Variants in JMJD1C observed in about 807,000 individuals in gnomAD.
JMJD1C encodes jumonji domain-containing protein 1C.
JMJD1C carries 31 observed loss-of-function variants against 245.3 expected under a neutral mutation model. The observed-to-expected ratio is 0.13, with a 90% CI of 0.09 to 0.17. JMJD1C has a LOEUF of 0.17. Ranked by LOEUF, JMJD1C falls within the 10% of genes least tolerant of loss-of-function variation. JMJD1C has a pLI of 1.00. For missense variants in JMJD1C, 2,691 were observed against 3,000.2 expected (o/e 0.90, Z 2.41); for synonymous variants, 1,057 against 1,017.4 (o/e 1.04, Z -0.74).
intron 1 of JMJD1C, among the ~76,000 whole-genome samples, chr10:63,394,076 A>C (rs552835058): frequency 1.3e-5 from 2 of 151,956 alleles, no homozygotes; most frequent in Non-Finnish European, 2.9e-5. Flanking sequence ...AGTCCCAGCT[A>C]CTCAGGAGGC....
chr10:63,223,313 C>A (rs1327248275), intron 3 of JMJD1C, among the ~76,000 whole-genome samples: 2 of 149,996 alleles, frequency 1.3e-5, no homozygotes, highest in African/African-American at 2.5e-5. Context: ...CTGGAATCTT[C>A]GCCTCCCAAG....
At position 63,203,814 on chromosome 10, in the gene JMJD1C, G is replaced by A. The variant is rs866139143; in HGVS notation, c.5074+2781C>T. ...AAATATATAATTATACATGTATAAC[G>A]GTGTATGTAATCATATTACATAGTT... On this transcript the variant is annotated intron_variant, in intron 10 of 25. Transcript: ENST00000399262. 9.8e-5 allele frequency: 94 copies of A among 962,282 alleles called. No individual in the cohort carries two copies. In the Middle Eastern group the frequency reaches 1.6e-3, roughly 17 times the overall value. The allele number at this position is 962,282 out of a possible 1,614,324, so 59.6% of individuals were successfully genotyped here.
chr10:63,466,338 G>A (rs1953281421), upstream of JMJD1C: 1 of 153,112 alleles, frequency 6.5e-6, no homozygotes, highest in South Asian at 2.0e-4. Context: ...CCCGCGGTTT[G>A]ATGTTCAGAG....
Position 63,177,725 on chromosome 10 carries a change from G to A in JMJD1C, c.7216C>T (p.Leu2406Phe). Residue 2406 changes from leucine (L) to phenylalanine (F), a missense_variant, in exon 23 of 26, where the codon CTT becomes TTT. Coordinates refer to ENST00000399262, the MANE Select transcript of JMJD1C (RefSeq NM_032776.3). ...TGCAAACTAACTTATACCTTTTGAA[G>A]AAATTCCCTTATCTTGTCAACATCT... The part of the protein sequence containing the change: ...GKDVDKIREF[L>F]QKISKEQGLE... The A allele has an allele frequency of 6.2e-7, 1 of 1,613,980 alleles. No homozygotes were observed. The highest frequency in any genetic ancestry group is 8.5e-7 in the Non-Finnish European group (1 of 1,179,966).
At chr10:63,434,186 A>G (rs1247497057) in intron 1 of JMJD1C, among the ~76,000 whole-genome samples, 2 of 152,216 alleles carry the variant, frequency 1.3e-5, no homozygotes, top group Non-Finnish European at 2.9e-5. Flanking sequence ...TAATAACAAA[A>G]AGCTAAAATT....
intron 2 of JMJD1C, among the ~76,000 whole-genome samples, chr10:63,301,248 C>T (rs1414516856): frequency 6.6e-6 from 1 of 152,198 alleles, no homozygotes; most frequent in African/African-American, 2.4e-5. Flanking sequence ...CTCCTGGCCC[C>T]AAGCAATCCT....
chr10:63,496,815 C>T (rs1488922360), intron 1 of JMJD1C, among the ~76,000 whole-genome samples: 2 of 152,150 alleles, frequency 1.3e-5, no homozygotes, highest in African/African-American at 4.8e-5. Flanking sequence ...TGACCAGAAA[C>T]GTGACATATG....
intron 1 of JMJD1C, among the ~76,000 whole-genome samples, chr10:63,393,774 C>T (rs2134629678): frequency 6.6e-6 from 1 of 152,184 alleles, no homozygotes; most frequent in South Asian, 2.1e-4. Flanking sequence ...ATTTTGTGTA[C>T]CTTCTAAAAT....
chr10:63,185,549 G>A lies in JMJD1C; in HGVS notation c.6830+14C>T. On this transcript the variant is annotated intron_variant, in intron 20 of 25. Coordinates refer to ENST00000399262, the MANE Select transcript of JMJD1C (RefSeq NM_032776.3). ...ATCTCAAAAAGTCAAGAGTCAAAAT[G>A]AAAAGTTTCAAACCTTGCTGGCATC... The A allele has an allele frequency of 6.7e-7, 1 of 1,492,618 alleles. No individual in the cohort carries two copies. Among genetic ancestry groups the A allele is most frequent in the Admixed American group, 1.7e-5 (1 of 59,758 alleles). The allele number at this position is 1,492,618 out of a possible 1,614,324, so 92.5% of individuals were successfully genotyped here.
chr10:63,222,614 C>A, intron 3 of JMJD1C: 1 of 1,594,544 alleles, frequency 6.3e-7, no homozygotes, highest in Non-Finnish European at 8.6e-7. Flanking sequence ...TCGAAACTCA[C>A]ATGCTGAATT....
intron 3 of JMJD1C, among the ~76,000 whole-genome samples, chr10:63,231,441 C>T (rs1301603512): frequency 6.6e-6 from 1 of 152,092 alleles, no homozygotes; most frequent in Non-Finnish European, 1.5e-5. Context: ...ATGAGCAAGC[C>T]CGAGATCTGT....
intron 1 of JMJD1C, among the ~76,000 whole-genome samples, chr10:63,392,643 G>A (rs59108795): frequency 0.024 from 3,642 of 151,616 alleles, 107 homozygotes; most frequent in African/African-American, 0.066. Flanking sequence ...TGGCCAACAC[G>A]GTGAAACCCC....
chr10:63,484,793 A>G (rs1464914349), intron 1 of JMJD1C, among the ~76,000 whole-genome samples: 3 of 152,160 alleles, frequency 2.0e-5, no homozygotes, highest in African/African-American at 7.2e-5. Flanking sequence ...TGAGATATTA[A>G]TGACATATTT....
At chr10:63,301,789 C>A in intron 2 of JMJD1C, 1 of 424,198 alleles carries the variant, frequency 2.4e-6, no homozygotes, top group Non-Finnish European at 4.6e-6. Context: ...GCACGTTCTG[C>A]ATATGTATCC....
At chr10:63,433,902 C>CA (rs34824418) in intron 1 of JMJD1C, among the ~76,000 whole-genome samples, 19,745 of 127,340 alleles carry the variant, frequency 0.16, 1,504 homozygotes, top group Non-Finnish European at 0.2. Flanking sequence ...AATTGAGTTC[C>CA]AAAAAAAAAA....
chr10:63,268,849 C>T (rs1855948544), intron 2 of JMJD1C: 6 of 985,712 alleles, frequency 6.1e-6, no homozygotes, highest in African/African-American at 1.7e-5. Context: ...TCACTTGCAG[C>T]GGCGTCATTG....
At chr10:63,334,295 G>A (rs1040342456) in intron 2 of JMJD1C, among the ~76,000 whole-genome samples, 3 of 152,044 alleles carry the variant, frequency 2.0e-5, no homozygotes, top group Non-Finnish European at 4.4e-5. Context: ...TTACATTAGG[G>A]AAAAGACATG....
intron 9 of JMJD1C, 122 bp downstream of exon 9, chr10:63,208,941 T>A (rs1046311273): frequency 1.8e-6 from 2 of 1,095,770 alleles, no homozygotes; most frequent in African/African-American, 3.2e-5. Context: ...TTTGAAGAAA[T>A]ATCAAAACAG....
At chr10:63,188,523 GAATA>G (rs1277679766) in intron 18 of JMJD1C, among the ~76,000 whole-genome samples, 1 of 152,070 alleles carries the variant, frequency 6.6e-6, no homozygotes, top group African/African-American at 2.4e-5. Flanking sequence ...AATAACTGTT[GAATA>G]AACAAAGTAA....
Sources: allele counts gnomAD v4.1 joint callset (sites outside exome capture counted in the v4.1 genomes callset), GRCh38; gene constraint gnomAD v4.1.1; transcripts MANE v1.5; gene names NCBI Gene and HGNC (gene_info 2026-07-23, HGNC 2026-07-21).